FGF18: variants seen among roughly 807,000 people sequenced by gnomAD.
FGF18 encodes the protein fibroblast growth factor 18.
FGF18 carries 5 observed loss-of-function variants against 23.0 expected under a neutral mutation model. The ratio of observed to expected loss-of-function variants is 0.22; its 90% CI spans 0.11 to 0.46. FGF18 has a LOEUF of 0.46. FGF18 is among the 20% of genes least tolerant of loss of function. The probability of loss-of-function intolerance (pLI) is 0.99; values close to 1 mark genes in which losing one functional copy is unlikely to be tolerated. For missense variants in FGF18, 180 were observed against 291.6 expected (o/e 0.62, Z 2.79); for synonymous variants, 117 against 118.9 (o/e 0.98, Z 0.10).
Position 171,434,751 on chromosome 5 carries a change from C to T in FGF18, c.70-1342C>T, listed in dbSNP as rs1364467262. Among the ~76,000 whole-genome samples, 1 of 151,662 alleles carries T rather than the reference C, an allele frequency of 6.6e-6. No individual in the cohort carries two copies. The highest frequency in any genetic ancestry group is 1.5e-5 in the Non-Finnish European group (1 of 68,002). ...ATTCAAGAAGCGTTTGAGTTTCTAC[C>T]GTGTTAGGTGCTGCGGATATAGTGG... On this transcript the variant is annotated intron_variant, in intron 2 of 4. Coordinates refer to ENST00000274625, the MANE Select transcript of FGF18 (RefSeq NM_003862.3). The surrounding 1 kb of genome is among the most constrained non-coding windows in gnomAD (Gnocchi z 4.6).
chr5:171,431,922 C>T (rs976415615), intron 2 of FGF18, among the ~76,000 whole-genome samples: 12 of 152,054 alleles, frequency 7.9e-5, no homozygotes, highest in African/African-American at 2.7e-4. Context: ...GTGGTGGGCA[C>T]CTGTAATCCC....
intron 2 of FGF18, among the ~76,000 whole-genome samples, chr5:171,430,887 G>T (rs1041814464): frequency 2.6e-5 from 4 of 151,190 alleles, no homozygotes; most frequent in African/African-American, 7.3e-5. Context: ...TCCCCATTTT[G>T]CTGATGGGAA....
In FGF18 at chr5:171,451,578, T is replaced by C. The variant is rs1772508687; in HGVS notation, c.357+2325T>C. ...TCTGCATCTCCAGGCCTTTCCCCGC[T>C]GCCCACCTTCGGCTTTCTACAGCAC... is the stretch of plus-strand genomic sequence containing the variant. On this transcript the variant is annotated intron_variant, in intron 4 of 4. Coordinates refer to ENST00000274625, the MANE Select transcript of FGF18 (RefSeq NM_003862.3). The surrounding 1 kb of genome is among the most constrained non-coding windows in gnomAD (Gnocchi z 4.5). 6.6e-6 allele frequency among the ~76,000 whole-genome samples: 1 copy of C among 152,200 alleles called. No individual in the cohort carries two copies. The highest frequency in any genetic ancestry group is 1.5e-5 in the Non-Finnish European group (1 of 68,026).
rs557340204 is a variant in FGF18, at chr5:171,437,827, C to G, written c.250+1554C>G. ...GTCCCAGAGCTCTCATTGGCCCCTC[C>G]AGGCTGGGAGAGTACAGGGGGGTCA... On this transcript the variant is annotated intron_variant, in intron 3 of 4. Transcript: ENST00000274625. 4.6e-5 allele frequency among the ~76,000 whole-genome samples: 7 copies of G among 152,286 alleles called. No individual in the cohort carries two copies. The South Asian group carries it at 6.2e-4, about 14-fold the overall frequency.
At chr5:171,421,187 G>A (rs1772000933) in intron 2 of FGF18, among the ~76,000 whole-genome samples, 1 of 152,128 alleles carries the variant, frequency 6.6e-6, no homozygotes, top group Non-Finnish European at 1.5e-5. Context: ...GAAGGTCTTG[G>A]CACGCAGACA....
intron 2 of FGF18, among the ~76,000 whole-genome samples, chr5:171,421,790 G>A (rs1772010669): frequency 6.6e-6 from 1 of 151,272 alleles, no homozygotes; most frequent in Admixed American, 6.6e-5. Flanking sequence ...CCAGGCTGGG[G>A]TCCCCAGTGA....
intron 3 of FGF18, among the ~76,000 whole-genome samples, chr5:171,439,544 G>A (rs1772304779): frequency 6.6e-6 from 1 of 152,220 alleles, no homozygotes; most frequent in South Asian, 2.1e-4. Context: ...TCATAGAACA[G>A]CACTGGAACA....
intron 2 of FGF18, among the ~76,000 whole-genome samples, chr5:171,424,850 G>A (rs1252567661): frequency 7.0e-6 from 1 of 143,732 alleles, no homozygotes; most frequent in Non-Finnish European, 1.5e-5. Context: ...AGCAGAGGGG[G>A]AAGGGGGAGG....
intron 3 of FGF18, among the ~76,000 whole-genome samples, chr5:171,442,174 A>G (rs921683658): frequency 6.6e-6 from 1 of 152,194 alleles, no homozygotes; most frequent in African/African-American, 2.4e-5. Context: ...GCTCCCGATG[A>G]ACCCTATTGG....
At chr5:171,448,407 T>A (rs1212622662) in intron 3 of FGF18, among the ~76,000 whole-genome samples, 1 of 152,120 alleles carries the variant, frequency 6.6e-6, no homozygotes, top group East Asian at 1.9e-4. Context: ...AATAGGCAGG[T>A]TAAAGGTGCC....
At position 171,419,692 on chromosome 5, in the gene FGF18, A is replaced by C. The variant is rs1476230380; in HGVS notation, c.-508A>C. On this transcript the variant is annotated 5_prime_UTR_variant, in exon 1 of 5. An upstream start codon of the reference 5' UTR is lost. Coordinates refer to ENST00000274625, the MANE Select transcript of FGF18 (RefSeq NM_003862.3). Reference sequence around the variant, plus strand: ...GCCGGAGAGACGCGGAGGAGGAGACATGAGCCGGCGGGCGCCCAGACGGAG... The same window carrying C: ...GCCGGAGAGACGCGGAGGAGGAGACCTGAGCCGGCGGGCGCCCAGACGGAG... The C allele has an allele frequency of 1.3e-5, 2 of 151,410 alleles. No homozygotes were observed. The highest frequency in any genetic ancestry group is 1.9e-4 in the East Asian group (1 of 5,148). 9.4% of individuals were successfully genotyped at this position (151,410 alleles called of 1,614,324 possible).
At chr5:171,431,064 G>C (rs531377398) in intron 2 of FGF18, among the ~76,000 whole-genome samples, 51 of 152,290 alleles carry the variant, frequency 3.3e-4, no homozygotes, top group Non-Finnish European at 4.7e-4. Flanking sequence ...TGGGGGCCAG[G>C]AAGAAAGAGG....
At position 171,454,884 on chromosome 5, in the gene FGF18, G is replaced by T. The variant is rs550695499; in HGVS notation, c.358-1655G>T. On this transcript the variant is annotated intron_variant, in intron 4 of 4. Transcript: ENST00000274625. ...CCACTCTTCCCCATCGAGCAATTCG[G>T]CTGTCTCAGAGAGGAGACTAACACC... Among the ~76,000 whole-genome samples the T allele has an allele frequency of 5.3e-5, 8 of 152,312 alleles. No homozygotes were observed. The South Asian group carries it at 1.7e-3, about 32-fold the overall frequency.
rs1772520841 is a variant in FGF18 at position 171,451,939 on chromosome 5, C to T, written c.357+2686C>T. ...CAGCCCTCTGTTGCCTGTCTGCTAA[C>T]CTGGGTTGTCACTGTTTGTCTTTGT... On this transcript the variant is annotated intron_variant, in intron 4 of 4. Transcript: ENST00000274625. The surrounding 1 kb of genome is among the most constrained non-coding windows in gnomAD (Gnocchi z 4.5). Among the ~76,000 whole-genome samples the T allele has an allele frequency of 6.6e-6, 1 of 152,156 alleles. No homozygotes were observed. The highest frequency in any genetic ancestry group is 2.1e-4 in the South Asian group (1 of 4,820).
At chr5:171,450,144 T>TG (rs1772477916) in intron 4 of FGF18, among the ~76,000 whole-genome samples, 1 of 141,892 alleles carries the variant, frequency 7.0e-6, no homozygotes, top group African/African-American at 2.6e-5. Flanking sequence ...CTAAGGGGGA[T>TG]GGGCTTGTGC....
At chr5:171,450,698 T>C (rs1001101172) in intron 4 of FGF18, among the ~76,000 whole-genome samples, 1 of 151,658 alleles carries the variant, frequency 6.6e-6, no homozygotes, top group Admixed American at 6.6e-5. Flanking sequence ...GTTGCGAGGC[T>C]GGCCGGCCGG....
intron 2 of FGF18, among the ~76,000 whole-genome samples, chr5:171,421,037 C>A (rs796102892): frequency 8.5e-5 from 13 of 152,372 alleles, no homozygotes; most frequent in African/African-American, 3.1e-4. Context: ...CACTCCCTCG[C>A]CTAAGGTGGT....
At chr5:171,423,206 A>G (rs565900368) in intron 2 of FGF18, among the ~76,000 whole-genome samples, 4 of 151,984 alleles carry the variant, frequency 2.6e-5, no homozygotes, top group Non-Finnish European at 5.9e-5. Flanking sequence ...GCCCGCCCTC[A>G]CCCGCTGGCC....
rs1581282551 is a variant in FGF18, at chr5:171,456,370, C to T, written c.358-169C>T. On this transcript the variant is annotated intron_variant, in intron 4 of 4. Transcript: ENST00000274625. The surrounding 1 kb of genome is among the most constrained non-coding windows in gnomAD (Gnocchi z 6.1). ...CTCCTTGGCTATAAACCCCCACCTG[C>T]CTGTGCCATATTCAGAGTTAAGCTC... Among the ~76,000 whole-genome samples the T allele has an allele frequency of 6.6e-6, 1 of 152,168 alleles. No individual in the cohort carries two copies. Among genetic ancestry groups the T allele is most frequent in the East Asian group, 1.9e-4 (1 of 5,194 alleles).
Sources: allele counts gnomAD v4.1 joint callset (sites outside exome capture counted in the v4.1 genomes callset), GRCh38; gene constraint gnomAD v4.1.1; non-coding constraint Gnocchi (gnomAD v3.1); transcripts MANE v1.5; gene names NCBI Gene and HGNC (gene_info 2026-07-23, HGNC 2026-07-21).